Variants in FMO1 observed in about 807,000 individuals in gnomAD.
FMO1 encodes flavin-containing monooxygenase 1.
FMO1 carries 36 observed loss-of-function variants against 45.4 expected under a neutral mutation model. The observed-to-expected ratio is 0.79, with a 90% CI of 0.61 to 1.05. The LOEUF (loss-of-function observed/expected upper bound fraction) is 1.05, where lower values mean the gene tolerates loss of function less well. Among genes scored for constraint, FMO1 ranks in the 50% least tolerant of loss-of-function variants. The pLI, the probability that FMO1 is intolerant of heterozygous loss-of-function variation, is 0.00. For synonymous variants in FMO1, 228 were observed against 227.2 expected (o/e 1.00, Z -0.03); for missense variants, 615 against 640.3 (o/e 0.96, Z 0.43).
At chr1:171,268,437 A>T (rs146529760) in intron 3 of FMO1, among the ~76,000 whole-genome samples, 1 of 152,332 alleles carries the variant, frequency 6.6e-6, no homozygotes, top group African/African-American at 2.4e-5. Context: ...GCAGTGGCCC[A>T]TACACAAGAG....
intron 1 of FMO1, among the ~76,000 whole-genome samples, chr1:171,255,077 G>A (rs1030487708): frequency 2.6e-5 from 4 of 152,204 alleles, no homozygotes; most frequent in African/African-American, 7.2e-5. Flanking sequence ...GAGCTCATCA[G>A]AGAATGAATC....
At chr1:171,283,022 A>G (rs1661429025) in intron 7 of FMO1, 122 bp from the exon 8 acceptor site, 2 of 649,432 alleles carry the variant, frequency 3.1e-6, no homozygotes, top group East Asian at 6.1e-5. Flanking sequence ...TTTTGCCAGA[A>G]GGATCAATGA....
At chr1:171,257,153 T>C (rs1262772221) in intron 1 of FMO1, among the ~76,000 whole-genome samples, 2 of 152,356 alleles carry the variant, frequency 1.3e-5, no homozygotes, top group East Asian at 3.9e-4. Flanking sequence ...GTTTTCTTTA[T>C]ATTTGTGATG....
At chr1:171,276,824 A>G (rs925095736) in intron 4 of FMO1, among the ~76,000 whole-genome samples, 3 of 152,188 alleles carry the variant, frequency 2.0e-5, no homozygotes, top group Non-Finnish European at 4.4e-5. Context: ...GATTAAAATA[A>G]TAAAGCATAC....
chr1:171,267,197 C>G (rs1017572107), intron 2 of FMO1, among the ~76,000 whole-genome samples: 1 of 152,122 alleles, frequency 6.6e-6, no homozygotes, highest in Admixed American at 6.5e-5. Context: ...TTTTGTAGAA[C>G]GAGAGTTATC....
intron 7 of FMO1, chr1:171,282,865 C>A: frequency 2.9e-6 from 1 of 346,982 alleles, no homozygotes; most frequent in Non-Finnish European, 5.2e-6. Context: ...AATTTTTAAA[C>A]TCAAGCAAAT....
chr1:171,265,646 C>T (rs1660588548), intron 2 of FMO1, among the ~76,000 whole-genome samples: 1 of 152,178 alleles, frequency 6.6e-6, no homozygotes, highest in African/African-American at 2.4e-5. Flanking sequence ...CTTTTTGCCA[C>T]ACAAATATTT....
chr1:171,272,129 C>A (rs1305830334), intron 3 of FMO1, among the ~76,000 whole-genome samples: 1 of 152,246 alleles, frequency 6.6e-6, no homozygotes, highest in Admixed American at 6.5e-5. Flanking sequence ...CCCAGCTGCT[C>A]CAGCTGTGGC....
At chr1:171,272,579 C>T (rs1660912438) in intron 3 of FMO1, among the ~76,000 whole-genome samples, 1 of 152,148 alleles carries the variant, frequency 6.6e-6, no homozygotes, top group Non-Finnish European at 1.5e-5. Context: ...GCAGAGCTGC[C>T]CAAGACCATG....
At chr1:171,280,393 G>A (rs942098557) in intron 5 of FMO1, among the ~76,000 whole-genome samples, 4 of 152,128 alleles carry the variant, frequency 2.6e-5, no homozygotes, top group Non-Finnish European at 4.4e-5. Context: ...TTAAGCCAAT[G>A]GTTTGCACTG....
chr1:171,265,166 G>A (rs1286148420), intron 2 of FMO1, among the ~76,000 whole-genome samples: 2 of 151,940 alleles, frequency 1.3e-5, no homozygotes, highest in South Asian at 2.1e-4. Context: ...CAAGGCAGGC[G>A]GATCATGAGG....
At chr1:171,275,575 G>A in intron 4 of FMO1, 67 bp downstream of exon 4, 1 of 1,157,876 alleles carries the variant, frequency 8.6e-7, no homozygotes, top group Non-Finnish European at 1.3e-6. Context: ...TGATTGGTCT[G>A]GGAATGAATT....
At chr1:171,251,540 TC>T (rs1231710407) in intron 1 of FMO1, 2 of 151,600 alleles carry the variant, frequency 1.3e-5, no homozygotes, top group African/African-American at 4.8e-5. Context: ...TTCGGGCGGT[TC>T]GTCGCGTTTC....
chr1:171,281,046 C>A, intron 6 of FMO1, 61 bp downstream of exon 6: 1 of 1,381,954 alleles, frequency 7.2e-7, no homozygotes, highest in Non-Finnish European at 1.0e-6. Context: ...TGTCCAGCAG[C>A]CTATACAAGC....
chr1:171,261,300 C>T (rs957773097), intron 2 of FMO1, among the ~76,000 whole-genome samples: 2 of 151,874 alleles, frequency 1.3e-5, no homozygotes, highest in Non-Finnish European at 2.9e-5. Context: ...ATTCCTTTCC[C>T]TCCTTCCCCA....
At chr1:171,270,870 A>ATTTTTT in intron 3 of FMO1, 2 of 706,618 alleles carry the variant, frequency 2.8e-6, no homozygotes, top group Non-Finnish European at 4.6e-6. Context: ...TTACATTTCC[A>ATTTTTT]TTTTTTTCTT....
At chr1:171,254,381 C>G (rs571562136) in intron 1 of FMO1, among the ~76,000 whole-genome samples, 1 of 152,076 alleles carries the variant, frequency 6.6e-6, no homozygotes, top group Admixed American at 6.5e-5. Context: ...TGAACCACCA[C>G]CCCGGCCCGA....
intron 2 of FMO1, among the ~76,000 whole-genome samples, chr1:171,264,628 G>T (rs1376827531): frequency 6.6e-6 from 1 of 151,976 alleles, no homozygotes; most frequent in Non-Finnish European, 1.5e-5. Context: ...AGTGGCTCAC[G>T]CCTGTAATCT....
At chr1:171,275,186 T>A (rs1188454526) in intron 3 of FMO1, among the ~76,000 whole-genome samples, 160 bp from the exon 4 acceptor site, 3 of 152,246 alleles carry the variant, frequency 2.0e-5, no homozygotes, top group African/African-American at 7.2e-5. Context: ...ATCTAGGGAA[T>A]CATGATTAGT....
Sources: gnomAD v4.1 joint callset for allele counts (sites outside exome capture counted in the v4.1 genomes callset) on GRCh38, gnomAD v4.1.1 for gene constraint, MANE v1.5 for transcripts, NCBI Gene and HGNC (gene_info 2026-07-23, HGNC 2026-07-21) for gene names.